Variants in MGAT4C observed in about 807,000 individuals in gnomAD.
MGAT4C encodes the protein alpha-1,3-mannosyl-glycoprotein 4-beta-N-acetylglucosaminyltransferase C.
Under a neutral mutation model 40.1 loss-of-function variants are expected in MGAT4C, and 19 were observed. The observed-to-expected ratio is 0.47, with a 90% CI of 0.33 to 0.70. The LOEUF is 0.70. Among genes scored for constraint, MGAT4C ranks in the 30% least tolerant of loss-of-function variants. The probability of loss-of-function intolerance (pLI) is 0.02; values close to 1 mark genes in which losing one functional copy is unlikely to be tolerated. For synonymous variants in MGAT4C, 181 were observed against 187.1 expected (o/e 0.97, Z 0.27); for missense variants, 491 against 563.2 (o/e 0.87, Z 1.30).
intron 2 of MGAT4C, among the ~76,000 whole-genome samples, chr12:86,702,194 C>A (rs1440354486): frequency 6.7e-6 from 1 of 148,756 alleles, no homozygotes; most frequent in South Asian, 2.2e-4. Flanking sequence ...GCCACCACAC[C>A]CACACACCCA....
chr12:86,227,664 A>G (rs1175085172), intron 1 of MGAT4C, among the ~76,000 whole-genome samples: 1 of 151,972 alleles, frequency 6.6e-6, no homozygotes, highest in Non-Finnish European at 1.5e-5. Flanking sequence ...AGTATCTGTC[A>G]TGAGTCCACA....
intron 2 of MGAT4C, among the ~76,000 whole-genome samples, chr12:86,628,163 GA>G (rs1450217061): frequency 6.6e-6 from 1 of 152,110 alleles, no homozygotes; most frequent in Non-Finnish European, 1.5e-5. Context: ...AAGATCAAAT[GA>G]ATGAAATGAA....
intron 1 of MGAT4C, among the ~76,000 whole-genome samples, chr12:86,196,168 T>C (rs1013624608): frequency 6.6e-6 from 1 of 152,196 alleles, no homozygotes; most frequent in Non-Finnish European, 1.5e-5. Flanking sequence ...CTCCTTGGTT[T>C]GTAGAAAGCA....
At chr12:86,774,287 C>CT (rs1565981249) in intron 1 of MGAT4C, among the ~76,000 whole-genome samples, 1 of 23,568 alleles carries the variant, frequency 4.2e-5, no homozygotes, top group South Asian at 2.7e-3. Flanking sequence ...CTTGCTCTTT[C>CT]TTTCTTTCTT....
At position 86,251,131 on chromosome 12, in the gene MGAT4C, G is replaced by GT. The variant is rs5799770; in HGVS notation, c.-57+5107dup. On this transcript the variant is annotated intron_variant, in intron 1 of 4. Coordinates refer to ENST00000611864, the MANE Select transcript of MGAT4C (RefSeq NM_001351288.2). ...TACGAGGTAGGTACTTTTATTTCCC[G>GT]TTTTTTTTTTTTTTTTTTATTATGA... Among the ~76,000 whole-genome samples the GT allele has an allele frequency of 8.5e-3, 1,168 of 138,078 alleles. 11 individuals carry two copies. Among genetic ancestry groups the GT allele is most frequent in the African/African-American group, 0.022 (835 of 37,860 alleles). 90.6% of individuals were successfully genotyped at this position (138,078 alleles called of 152,430 possible). A position where few individuals can be genotyped will look rare whatever the true frequency, so the allele number is the denominator to read the frequency against.
At chr12:86,650,019 T>C (rs892717346) in intron 2 of MGAT4C, among the ~76,000 whole-genome samples, 14 of 152,028 alleles carry the variant, frequency 9.2e-5, no homozygotes, top group African/African-American at 3.1e-4. Flanking sequence ...GTTTGCTAAA[T>C]AGCTGTTGCA....
rs543864143 is a variant in MGAT4C at position 86,452,072 on chromosome 12, C to A, written c.-228-16807G>T. Among the ~76,000 whole-genome samples the A allele has an allele frequency of 2.6e-5, 4 of 152,050 alleles. No individual in the cohort carries two copies. In the South Asian group the frequency reaches 8.3e-4, roughly 32 times the overall value. On this transcript the variant is annotated intron_variant, in intron 2 of 7. Transcript: ENST00000548651. Reference sequence around the variant, plus strand: ...ATTTAATTACTGGCCAGTAGAAACTCGTGGGCAAATCACCTGATTCAGTTG... The same window carrying A: ...ATTTAATTACTGGCCAGTAGAAACTAGTGGGCAAATCACCTGATTCAGTTG...
chr12:86,719,853 A>T (rs2136642618), intron 2 of MGAT4C, among the ~76,000 whole-genome samples: 1 of 152,262 alleles, frequency 6.6e-6, no homozygotes, highest in South Asian at 2.1e-4. Flanking sequence ...GATCTCAAGG[A>T]TGTTGTGGGG....
At chr12:86,230,986 T>A (rs1167999574) in intron 1 of MGAT4C, among the ~76,000 whole-genome samples, 1 of 151,906 alleles carries the variant, frequency 6.6e-6, no homozygotes, top group Non-Finnish European at 1.5e-5. Flanking sequence ...AACACAATCA[T>A]CAGCAGTAAT....
At chr12:86,190,829 G>A (rs200596384) in intron 1 of MGAT4C, among the ~76,000 whole-genome samples, 1 of 151,898 alleles carries the variant, frequency 6.6e-6, no homozygotes, top group Non-Finnish European at 1.5e-5. Flanking sequence ...TTGATTTAAA[G>A]CAAAGAGATA....
chr12:86,388,365 C>A (rs1956098378), intron 3 of MGAT4C, among the ~76,000 whole-genome samples: 1 of 151,290 alleles, frequency 6.6e-6, no homozygotes, highest in Non-Finnish European at 1.5e-5. Context: ...AAGATGAGAA[C>A]AATATTTTAT....
intron 1 of MGAT4C, among the ~76,000 whole-genome samples, chr12:86,209,487 T>C (rs184457574): frequency 3.3e-5 from 5 of 152,276 alleles, no homozygotes; most frequent in Admixed American, 3.3e-4. Context: ...GATTCTTATA[T>C]TGTCAATCAT....
At chr12:86,055,362 T>C (rs1419708939) in intron 1 of MGAT4C, among the ~76,000 whole-genome samples, 1 of 152,028 alleles carries the variant, frequency 6.6e-6, no homozygotes, top group Non-Finnish European at 1.5e-5. Flanking sequence ...TAATGCCAAA[T>C]GTGAAATATT....
Position 86,750,387 on chromosome 12 carries a change from C to T in MGAT4C, c.-261-23146G>A, listed in dbSNP as rs912953981. 2.0e-5 allele frequency among the ~76,000 whole-genome samples: 3 copies of T among 151,966 alleles called. No individual in the cohort carries two copies. The Middle Eastern group carries it at 0.01, about 520-fold the overall frequency. On this transcript the variant is annotated intron_variant, in intron 1 of 7. Coordinates refer to the MGAT4C transcript ENST00000548651. ...TGAATATCATTAGTCACGGGCTATACTTTCTACCCACTATTCCCAATCATT... is the reference window on the plus strand; with the variant it reads ...TGAATATCATTAGTCACGGGCTATATTTTCTACCCACTATTCCCAATCATT...
At chr12:86,837,498 G>T (rs1593253605) in intron 1 of MGAT4C, among the ~76,000 whole-genome samples, 1 of 152,006 alleles carries the variant, frequency 6.6e-6, no homozygotes, top group African/African-American at 2.4e-5. Flanking sequence ...TCTTGAGCCT[G>T]TATTAACCCA....
rs112761344 is a variant in MGAT4C, at chr12:86,049,304, CTG to C, written c.-7+368_-7+369del. Among the ~76,000 whole-genome samples the C allele has an allele frequency of 2.4e-3, 357 of 146,914 alleles. 1 individual carries two copies. The highest frequency in any genetic ancestry group is 3.6e-3 in the South Asian group (17 of 4,698). On this transcript the variant is annotated intron_variant, in intron 2 of 4. Transcript: ENST00000611864. ...ATTACCATCCTCTCTGTGTGTGCGC[CTG>C]TGTGTGTGTGTGTGTGTACCTGCAC... is the stretch of plus-strand genomic sequence containing the variant.
intron 1 of MGAT4C, among the ~76,000 whole-genome samples, chr12:86,087,745 TAC>T (rs1418424272): frequency 6.6e-6 from 1 of 151,902 alleles, no homozygotes. Context: ...AATCAGAGAT[TAC>T]ACAGACAAAT....
chr12:86,761,903 T>C (rs779843928), intron 1 of MGAT4C, among the ~76,000 whole-genome samples: 43 of 152,142 alleles, frequency 2.8e-4, no homozygotes, highest in Non-Finnish European at 4.9e-4. Context: ...CTGCAAAGTC[T>C]CTGTGGCATA....
intron 2 of MGAT4C, among the ~76,000 whole-genome samples, chr12:86,041,671 G>A (rs1031890344): frequency 3.3e-5 from 5 of 152,122 alleles, no homozygotes; most frequent in African/African-American, 1.2e-4. Context: ...TTATAGTGCT[G>A]TGGTCTGATT....
Sources: gnomAD v4.1 joint callset for allele counts (sites outside exome capture counted in the v4.1 genomes callset) on GRCh38, gnomAD v4.1.1 for gene constraint, MANE v1.5 for transcripts, NCBI Gene and HGNC (gene_info 2026-07-23, HGNC 2026-07-21) for gene names.